GMDS: variants seen among roughly 807,000 people sequenced by gnomAD.
GMDS encodes GDP-mannose 4,6 dehydratase.
GMDS carries 20 observed loss-of-function variants against 49.9 expected under a neutral mutation model. The ratio of observed to expected loss-of-function variants is 0.40; its 90% confidence interval spans 0.28 to 0.58. The LOEUF (loss-of-function observed/expected upper bound fraction) is 0.58, where lower values mean the gene tolerates loss of function less well. Ranked by LOEUF, GMDS falls within the 20% of genes least tolerant of loss-of-function variation. GMDS has a pLI of 0.42. For synonymous variants in GMDS, 177 were observed against 178.6 expected, an observed-to-expected ratio of 0.99 and a Z score of 0.07; for missense variants, 362 against 481.4, an observed-to-expected ratio of 0.75 and a Z score of 2.32.
chr6:1,873,224 T>A (rs191738471), intron 7 of GMDS, among the ~76,000 whole-genome samples: 1 of 152,360 alleles, frequency 6.6e-6, no homozygotes, highest in East Asian at 1.9e-4. Flanking sequence ...AAAAGGGTTA[T>A]CTATACCAGT....
intron 4 of GMDS, among the ~76,000 whole-genome samples, chr6:1,964,784 C>G (rs1361160956): frequency 2.6e-5 from 4 of 152,102 alleles, no homozygotes; most frequent in Non-Finnish European, 5.9e-5. Context: ...CCCAGTAACT[C>G]GTCATTTAGC....
intron 1 of GMDS, among the ~76,000 whole-genome samples, chr6:2,214,108 T>C (rs571129492): frequency 6.6e-6 from 1 of 152,250 alleles, no homozygotes; most frequent in South Asian, 2.1e-4. Flanking sequence ...GTTCACAGAT[T>C]AGGACAACTA....
At position 2,115,758 on chromosome 6, in the gene GMDS, T is replaced by C. The variant is rs17134693; in HGVS notation, c.345+13A>G. 0.046 allele frequency: 62,375 copies of C among 1,369,440 alleles called. 3,652 individuals carry two copies. The highest frequency in any genetic ancestry group is 0.21 in the East Asian group (9,225 of 43,776). The allele number at this position is 1,369,440 out of a possible 1,614,324, so 84.8% of individuals were successfully genotyped here. A position where few individuals can be genotyped will look rare whatever the true frequency, so the allele number is the denominator to read the frequency against. On this transcript the variant is annotated intron_variant, in intron 4 of 10. Transcript: ENST00000380815. ...AGAAACACGGCCAGAGAAATCCCAA[T>C]GAAAATGCTTACTTTGACGTGGCTC...
intron 4 of GMDS, among the ~76,000 whole-genome samples, chr6:2,097,337 A>G (rs1317938737): frequency 6.6e-6 from 1 of 152,176 alleles, no homozygotes; most frequent in Non-Finnish European, 1.5e-5. Flanking sequence ...GCGACTGAGC[A>G]TTATCACCTA....
intron 9 of GMDS, among the ~76,000 whole-genome samples, chr6:1,685,497 T>TA (rs1342934311): frequency 6.6e-6 from 1 of 151,948 alleles, no homozygotes; most frequent in Non-Finnish European, 1.5e-5. Context: ...TTTTTTTAAT[T>TA]AAAAAAAACT....
At position 1,738,644 on chromosome 6, in the gene GMDS, C is replaced by T. The variant is rs186491974; in HGVS notation, c.890+3824G>A. ...CCTCATGTAATATGAGGCAAGGACACAAAGCACAACAAGTAGAACTCTGAG... is the reference window on the plus strand; with the variant it reads ...CCTCATGTAATATGAGGCAAGGACATAAAGCACAACAAGTAGAACTCTGAG... On this transcript the variant is annotated intron_variant, in intron 8 of 10. Transcript: ENST00000380815. Among the ~76,000 whole-genome samples the T allele has an allele frequency of 4.6e-5, 7 of 152,228 alleles. No individual in the cohort carries two copies. In the East Asian group the frequency reaches 1.4e-3, roughly 29 times the overall value.
intron 4 of GMDS, among the ~76,000 whole-genome samples, chr6:1,981,886 T>C (rs1765239474): frequency 6.6e-6 from 1 of 152,220 alleles, no homozygotes; most frequent in Admixed American, 6.5e-5. Flanking sequence ...AATCAATAAA[T>C]GTGATTCATC....
intron 7 of GMDS, among the ~76,000 whole-genome samples, chr6:1,769,013 CTCTG>C (rs981881584): frequency 6.6e-6 from 1 of 152,158 alleles, no homozygotes; most frequent in Admixed American, 6.5e-5. Flanking sequence ...TAACAGCTTA[CTCTG>C]TCTGATTATA....
chr6:2,198,946 C>T (rs1408690434), intron 1 of GMDS, among the ~76,000 whole-genome samples: 2 of 152,176 alleles, frequency 1.3e-5, no homozygotes, highest in Non-Finnish European at 2.9e-5. Flanking sequence ...TTGGTAATGG[C>T]TTACAGCTTT....
At chr6:1,771,242 C>T (rs900554137) in intron 7 of GMDS, among the ~76,000 whole-genome samples, 1 of 152,188 alleles carries the variant, frequency 6.6e-6, no homozygotes, top group Non-Finnish European at 1.5e-5. Flanking sequence ...ATGCATCCCA[C>T]TGAGGATGGC....
intron 9 of GMDS, among the ~76,000 whole-genome samples, chr6:1,715,912 T>C (rs913804749): frequency 7.2e-5 from 11 of 152,344 alleles, no homozygotes; most frequent in Admixed American, 5.9e-4. Flanking sequence ...CTTAGTAACT[T>C]GCCTTAGAAA....
chr6:2,000,674 C>T (rs1419383381), intron 4 of GMDS, among the ~76,000 whole-genome samples: 1 of 151,992 alleles, frequency 6.6e-6, no homozygotes, highest in Non-Finnish European at 1.5e-5. Flanking sequence ...TTTAGTGGTT[C>T]TTTGAGAGAC....
At chr6:2,207,720 A>G (rs1267559206) in intron 1 of GMDS, among the ~76,000 whole-genome samples, 1 of 151,942 alleles carries the variant, frequency 6.6e-6, no homozygotes, top group Non-Finnish European at 1.5e-5. Context: ...TTGTTACGTA[A>G]AAATAAAAGT....
chr6:2,205,260 G>T (rs1028008473), intron 1 of GMDS, among the ~76,000 whole-genome samples: 25 of 152,252 alleles, frequency 1.6e-4, no homozygotes, highest in Middle Eastern at 3.4e-3. Context: ...TATGTTCTTT[G>T]CTTTTAAATG....
chr6:1,886,958 A>G (rs1490170205), intron 7 of GMDS, among the ~76,000 whole-genome samples: 2 of 152,188 alleles, frequency 1.3e-5, no homozygotes, highest in African/African-American at 2.4e-5. Context: ...GAGCAAACTT[A>G]CAGATGTGCC....
Position 1,623,924 on chromosome 6 carries a change from T to G in GMDS, c.*245A>C. 2.0e-6 allele frequency: 1 copy of G among 490,286 alleles called. No homozygotes were observed. The highest frequency in any genetic ancestry group is 3.6e-6 in the Non-Finnish European group (1 of 277,726). 30.4% of individuals were successfully genotyped at this position (490,286 alleles called of 1,614,324 possible). ...AGTGAATGTGATTAAAACATCTTGA[T>G]TTCACAAAGCCATTCAGAGGAGGCT... On this transcript the variant is annotated 3_prime_UTR_variant, in exon 11 of 11. Transcript: ENST00000380815.
At position 1,624,652 on chromosome 6, in the gene GMDS, C is replaced by G; in HGVS notation, c.988-112G>C. The G allele has an allele frequency of 5.5e-6, 4 of 722,958 alleles. No individual in the cohort carries two copies. In the South Asian group the frequency reaches 6.8e-5, roughly 12 times the overall value. 44.8% of individuals were successfully genotyped at this position (722,958 alleles called of 1,614,324 possible). ...CGCTCCCTCTGGGCGCACAAGGCTC[C>G]GGGTTTCCCTGCTTTCGGTCCCTGC... On this transcript the variant is annotated intron_variant, in intron 9 of 10. Coordinates refer to ENST00000380815, the MANE Select transcript of GMDS (RefSeq NM_001500.4).
chr6:1,871,121 A>G (rs186710938), intron 7 of GMDS, among the ~76,000 whole-genome samples: 145 of 152,060 alleles, frequency 9.5e-4, no homozygotes, highest in African/African-American at 3.4e-3. Context: ...GAACATCCAC[A>G]AGGAGAGTTA....
At chr6:2,049,116 G>A (rs969896698) in intron 4 of GMDS, among the ~76,000 whole-genome samples, 3 of 152,118 alleles carry the variant, frequency 2.0e-5, no homozygotes, top group Non-Finnish European at 2.9e-5. Context: ...GTGACTTCCC[G>A]GCCTCCAGAA....
Sources: allele counts gnomAD v4.1 joint callset (sites outside exome capture counted in the v4.1 genomes callset), GRCh38; gene constraint gnomAD v4.1.1; transcripts MANE v1.5; gene names NCBI Gene and HGNC (gene_info 2026-07-23, HGNC 2026-07-21).